The following MGAM2 variants were observed in gnomAD, a reference collection of about 807,000 sequenced individuals.
The protein encoded by MGAM2 is probable maltase-glucoamylase 2.
In MGAM2, 98 loss-of-function variants were observed where a neutral mutation model predicts 96.1. That is an observed-to-expected ratio of 1.02 (90% CI 0.87 to 1.21). The LOEUF is 1.21. Ranked by LOEUF, MGAM2 falls within the 50% of genes most tolerant of loss-of-function variation. The pLI is 0.00. For missense variants in MGAM2, 2,055 were observed against 1,182.4 expected (o/e 1.74, Z -10.82); for synonymous variants, 749 against 414.8 (o/e 1.81, Z -9.79).
intron 37 of MGAM2, among the ~76,000 whole-genome samples, chr7:142,191,155 C>A (rs924906317): frequency 6.6e-6 from 1 of 151,836 alleles, no homozygotes; most frequent in Non-Finnish European, 1.5e-5. Flanking sequence ...ATTATTGGAT[C>A]GTAAGAATTC....
chr7:142,161,451 T>G (rs11772365), intron 22 of MGAM2, among the ~76,000 whole-genome samples: 50,685 of 152,138 alleles, frequency 0.33, 8,681 homozygotes, highest in Non-Finnish European at 0.36. Flanking sequence ...TGGCATTATT[T>G]CATTTAGCTT....
At position 142,196,210 on chromosome 7, in the gene MGAM2, C is replaced by T. The variant is rs1420113860; in HGVS notation, c.4403C>T (p.Pro1468Leu). 2.2e-5 allele frequency: 26 copies of T among 1,174,710 alleles called. No homozygotes were observed. Among genetic ancestry groups the T allele is most frequent in the Non-Finnish European group, 3.1e-5 (25 of 801,440 alleles). 72.8% of individuals were successfully genotyped at this position (1,174,710 alleles called of 1,614,324 possible). Residue 1468 changes from proline to leucine, a missense_variant, in exon 38 of 48, where the codon CCC (proline) becomes CTC (leucine). Transcript: ENST00000477922. Reference protein sequence around the residue: ...RGVIITRSTFPSSGRWGGHRL... With the variant: ...RGVIITRSTFLSSGRWGGHRL... ...GTCATCATCACCCGCTCCACATTTC[C>T]CTCTTCTGGACGCTGGGGAGGACAC...
chr7:142,199,332 A>C (rs1011569588), intron 44 of MGAM2, among the ~76,000 whole-genome samples: 1 of 152,222 alleles, frequency 6.6e-6, no homozygotes, highest in Non-Finnish European at 1.5e-5. Flanking sequence ...GGTTTATATG[A>C]AAGAGGGCTT....
chr7:142,122,994 T>A (rs1222447639), intron 3 of MGAM2, among the ~76,000 whole-genome samples: 1 of 152,114 alleles, frequency 6.6e-6, no homozygotes, highest in Non-Finnish European at 1.5e-5. Flanking sequence ...CATGCCCAGC[T>A]AATTTTTGTA....
rs72092512 is a variant in MGAM2, at chr7:142,201,071, C to CTTTTTTTTTTTTTTTTTTTTTT, written c.5137+1113_5137+1114insTTTTTTTTTTTTTTTTTTTTTT. ...CATTGTTATAAATAACATCCTTTTT[C>CTTTTTTTTTTTTTTTTTTTTTT]TTTTTTTTTTCTTTTTTTTTTTTTT... On this transcript the variant is annotated intron_variant, in intron 45 of 47. Coordinates refer to ENST00000477922, the MANE Select transcript of MGAM2 (RefSeq NM_001293626.2). 1.3e-4 allele frequency among the ~76,000 whole-genome samples: 11 copies of CTTTTTTTTTTTTTTTTTTTTTT among 84,362 alleles called. 3 individuals are homozygous for CTTTTTTTTTTTTTTTTTTTTTT. The highest frequency in any genetic ancestry group is 5.0e-4 in the Admixed American group (3 of 5,996). The allele number at this position is 84,362 out of a possible 152,430, so 55.3% of individuals were successfully genotyped here. A position where few individuals can be genotyped will look rare whatever the true frequency, so the allele number is the denominator to read the frequency against.
At chr7:142,131,708 G>T (rs1396142805) in intron 5 of MGAM2, 81 bp downstream of exon 5, 22 of 670,000 alleles carry the variant, frequency 3.3e-5, no homozygotes, top group South Asian at 1.6e-4. Flanking sequence ...GAGGCAGAAG[G>T]TACCTCTCTC....
rs530929816 is a variant in MGAM2 at position 142,170,373 on chromosome 7, T to G, written c.3182+144T>G. 17 of 512,690 alleles carry G rather than the reference T, an allele frequency of 3.3e-5. No individual in the cohort carries two copies. In the South Asian group the frequency reaches 5.1e-4, roughly 15 times the overall value. 31.8% of individuals were successfully genotyped at this position (512,690 alleles called of 1,614,324 possible). On this transcript the variant is annotated intron_variant, in intron 27 of 47. Transcript: ENST00000477922. ...AGAGTATATCTATTTTTCCCATGCT[T>G]TAATGGATAATTTGTTTTTGGTTAG...
At chr7:142,198,516 C>T in intron 43 of MGAM2, 99 bp from the exon 44 acceptor site, 1 of 617,936 alleles carries the variant, frequency 1.6e-6, no homozygotes, top group Non-Finnish European at 2.9e-6. Flanking sequence ...TGCTGACTTT[C>T]TAACATGCTT....
Position 142,222,063 on chromosome 7 carries a change from C to T in MGAM2, c.*4C>T. 3 of 398,180 alleles carry T rather than the reference C, an allele frequency of 7.5e-6. No individual in the cohort carries two copies. Among genetic ancestry groups the T allele is most frequent in the Admixed American group, 8.8e-5 (2 of 22,716 alleles). The allele number at this position is 398,180 out of a possible 1,614,324, so 24.7% of individuals were successfully genotyped here. On this transcript the variant is annotated 3_prime_UTR_variant, in exon 48 of 48. Coordinates refer to ENST00000477922, the MANE Select transcript of MGAM2 (RefSeq NM_001293626.2). ...AAATGCTACTCAAGTTCCATGATTA[C>T]TACTCAAGGCAGGATAGTTACCTCA...
Position 142,137,563 on chromosome 7 carries a change from G to A in MGAM2, c.960+18G>A. On this transcript the variant is annotated intron_variant, in intron 9 of 47. Coordinates refer to ENST00000477922, the MANE Select transcript of MGAM2 (RefSeq NM_001293626.2). ...ACTTGGAGGTATGTCTTTGCATTTA[G>A]ATAGTCATTATTTACTGCTGTTATC... is the stretch of plus-strand genomic sequence containing the variant. The A allele has an allele frequency of 1.5e-6, 1 of 686,924 alleles. No individual in the cohort carries two copies. Among genetic ancestry groups the A allele is most frequent in the Non-Finnish European group, 2.6e-6 (1 of 378,350 alleles). The allele number at this position is 686,924 out of a possible 1,614,324, so 42.6% of individuals were successfully genotyped here.
At chr7:142,118,754 G>T (rs931876139) in intron 2 of MGAM2, among the ~76,000 whole-genome samples, 40 of 152,022 alleles carry the variant, frequency 2.6e-4, no homozygotes, top group Non-Finnish European at 4.3e-4. Context: ...TAAGAAAAAA[G>T]ACTTTCCCAG....
At chr7:142,136,069 A>G (rs6944985) in intron 7 of MGAM2, among the ~76,000 whole-genome samples, 62,651 of 151,950 alleles carry the variant, frequency 0.41, 13,396 homozygotes, top group African/African-American at 0.53. Flanking sequence ...ACTGAGTTAG[A>G]CAAGCATCGT....
Position 142,221,938 on chromosome 7 carries a change from C to A in MGAM2, c.7427C>A (p.Thr2476Lys), listed in dbSNP as rs1797944508. Residue 2476 changes from threonine (T) to lysine (K), a missense_variant, in exon 48 of 48, where the codon ACA becomes AAA. Coordinates refer to ENST00000477922, the MANE Select transcript of MGAM2 (RefSeq NM_001293626.2). ...YLPITATSAT[T>K]DTTNITKYAL... ...CCTATTACTGCAACTAGTGCTACCA[C>A]AGATACTACAAATATTACAAAATAT... The A allele has an allele frequency of 7.5e-6, 3 of 399,592 alleles. No homozygotes were observed. Among genetic ancestry groups the A allele is most frequent in the Non-Finnish European group, 1.3e-5 (3 of 226,854 alleles). 24.8% of individuals were successfully genotyped at this position (399,592 alleles called of 1,614,324 possible).
Position 142,201,079 on chromosome 7 carries a change from TTTC to T in MGAM2, c.5137+1114_5137+1116del, listed in dbSNP as rs1296348727. Among the ~76,000 whole-genome samples, 22 of 122,034 alleles carry T rather than the reference TTTC, an allele frequency of 1.8e-4. 5 individuals carry two copies. The South Asian group carries it at 2.4e-3, about 13-fold the overall frequency. 80.1% of individuals were successfully genotyped at this position (122,034 alleles called of 152,430 possible). On this transcript the variant is annotated intron_variant, in intron 45 of 47. Coordinates refer to ENST00000477922, the MANE Select transcript of MGAM2 (RefSeq NM_001293626.2). Reference sequence around the variant, plus strand: ...TAAATAACATCCTTTTTCTTTTTTTTTTCTTTTTTTTTTTTTTTTGAGTCTCAC... The same window carrying T: ...TAAATAACATCCTTTTTCTTTTTTTTTTTTTTTTTTTTTTTTGAGTCTCAC...
At chr7:142,167,555 A>T (rs927218570) in intron 26 of MGAM2, 69 bp downstream of exon 26, 39 of 683,792 alleles carry the variant, frequency 5.7e-5, no homozygotes, top group African/African-American at 5.0e-4. Context: ...TATGGATAGA[A>T]GTCATTGAAA....
intron 1 of MGAM2, among the ~76,000 whole-genome samples, chr7:142,114,806 A>C (rs1817330376): frequency 6.6e-6 from 1 of 152,180 alleles, no homozygotes; most frequent in African/African-American, 2.4e-5. Flanking sequence ...GTTGAGAAGC[A>C]GAGAGAGAGA....
intron 32 of MGAM2, among the ~76,000 whole-genome samples, chr7:142,179,145 GA>G (rs1300443701): frequency 6.6e-6 from 1 of 151,998 alleles, no homozygotes; most frequent in African/African-American, 2.4e-5. Flanking sequence ...TCTAATTTGA[GA>G]TTTCTCAGCT....
At chr7:142,138,409 G>A (rs1795123184) in intron 9 of MGAM2, 133 bp from the exon 10 acceptor site, 1 of 583,946 alleles carries the variant, frequency 1.7e-6, no homozygotes, top group African/African-American at 1.9e-5. Context: ...AAAGAAGGAT[G>A]TGATTGTGGA....
At chr7:142,207,718 C>A (rs754985162) in intron 45 of MGAM2, among the ~76,000 whole-genome samples, 1 of 152,074 alleles carries the variant, frequency 6.6e-6, no homozygotes, top group African/African-American at 2.4e-5. Context: ...CGTGAGCCAC[C>A]GCGCCCAGCC....
Sources: allele counts gnomAD v4.1 joint callset (sites outside exome capture counted in the v4.1 genomes callset), GRCh38; gene constraint gnomAD v4.1.1; transcripts MANE v1.5; gene names NCBI Gene and HGNC (gene_info 2026-07-23, HGNC 2026-07-21).